Variants in GRIK3 observed in about 807,000 individuals in gnomAD.
GRIK3 encodes the protein glutamate receptor ionotropic, kainate 3.
A neutral mutation model predicts 102.5 loss-of-function variants in GRIK3; 29 were observed. That is an observed-to-expected ratio of 0.28 (90% CI 0.21 to 0.39). GRIK3 has a LOEUF of 0.39. Among genes scored for constraint, GRIK3 ranks in the 10% least tolerant of loss-of-function variants. The probability of loss-of-function intolerance (pLI) is 1.00; values close to 1 mark genes in which losing one functional copy is unlikely to be tolerated. For synonymous variants in GRIK3, 511 were observed against 504.9 expected (o/e 1.01, Z -0.16); for missense variants, 908 against 1,252.4 (o/e 0.73, Z 4.15).
intron 1 of GRIK3, among the ~76,000 whole-genome samples, chr1:36,921,948 C>T (rs181370533): frequency 1.3e-5 from 2 of 152,110 alleles, no homozygotes; most frequent in Admixed American, 1.3e-4. Context: ...AGTGAGCTCT[C>T]AATGTTCTCC....
chr1:36,920,731 G>T (rs548544509), intron 1 of GRIK3, among the ~76,000 whole-genome samples: 3 of 152,204 alleles, frequency 2.0e-5, no homozygotes, highest in Non-Finnish European at 4.4e-5. Context: ...GGGAGCTGTG[G>T]AGGCCCCAGT....
chr1:37,006,320 G>T (rs1016032108), intron 1 of GRIK3, among the ~76,000 whole-genome samples: 3 of 152,176 alleles, frequency 2.0e-5, no homozygotes, highest in Non-Finnish European at 2.9e-5. Flanking sequence ...CCTCGATAAC[G>T]CAACGAGGGA....
Position 36,795,569 on chromosome 1 carries a change from T to C in GRIK3, c.*6282A>G, listed in dbSNP as rs996941044. 6.6e-6 allele frequency: 1 copy of C among 152,178 alleles called. No individual in the cohort carries two copies. The highest frequency in any genetic ancestry group is 1.9e-4 in the East Asian group (1 of 5,192). The allele number at this position is 152,178 out of a possible 1,614,324, so 9.4% of individuals were successfully genotyped here. On this transcript the variant is annotated 3_prime_UTR_variant, in exon 16 of 16. Coordinates refer to ENST00000373091, the MANE Select transcript of GRIK3 (RefSeq NM_000831.4). ...ATTTTATTTAAAATTTAAAACCATA[T>C]TACTTCATACAGCAAACTGTGCACT... is the stretch of plus-strand genomic sequence containing the variant.
At chr1:36,971,982 C>T (rs1018374435) in intron 1 of GRIK3, among the ~76,000 whole-genome samples, 1 of 152,130 alleles carries the variant, frequency 6.6e-6, no homozygotes, top group Non-Finnish European at 1.5e-5. Flanking sequence ...GGCCTGGCAC[C>T]ATCTGTTGTT....
At chr1:36,929,793 T>C (rs2124312448) in intron 1 of GRIK3, among the ~76,000 whole-genome samples, 1 of 152,366 alleles carries the variant, frequency 6.6e-6, no homozygotes, top group South Asian at 2.1e-4. Context: ...TCACAAAGTT[T>C]CTTCATACAA....
intron 1 of GRIK3, among the ~76,000 whole-genome samples, chr1:36,996,531 A>G (rs1642421601): frequency 6.6e-6 from 1 of 152,202 alleles, no homozygotes; most frequent in Non-Finnish European, 1.5e-5. Context: ...ACCAGAGGAC[A>G]GGGCTACTCA....
At chr1:37,020,595 G>A (rs898011375) in intron 1 of GRIK3, among the ~76,000 whole-genome samples, 4 of 151,758 alleles carry the variant, frequency 2.6e-5, no homozygotes, top group South Asian at 2.1e-4. Flanking sequence ...CAGACAAGCC[G>A]TACAAGGCAC....
intron 1 of GRIK3, among the ~76,000 whole-genome samples, chr1:36,949,314 T>G (rs1188628763): frequency 6.6e-6 from 1 of 152,042 alleles, no homozygotes; most frequent in Non-Finnish European, 1.5e-5. Context: ...TGGCCTCCAG[T>G]CCCCCTACTG....
intron 1 of GRIK3, among the ~76,000 whole-genome samples, chr1:36,946,396 C>A (rs1158358095): frequency 1.3e-5 from 2 of 152,208 alleles, no homozygotes; most frequent in African/African-American, 4.8e-5. Flanking sequence ...CACAGGGACA[C>A]GGAGCATTCA....
chr1:37,032,941 G>C lies in GRIK3; in HGVS notation c.115+1053C>G, dbSNP rs370917460. Among the ~76,000 whole-genome samples, 8 of 152,346 alleles carry C rather than the reference G, an allele frequency of 5.3e-5. No homozygotes were observed. The South Asian group carries it at 1.2e-3, about 24-fold the overall frequency. On this transcript the variant is annotated intron_variant, in intron 1 of 15. Coordinates refer to ENST00000373091, the MANE Select transcript of GRIK3 (RefSeq NM_000831.4). ...TGAAGAAGAGCTGTAGAGGAGGAAGGTGGCCCTGGCTCGGCGGAGTCCGGC... is the reference window on the plus strand; with the variant it reads ...TGAAGAAGAGCTGTAGAGGAGGAAGCTGGCCCTGGCTCGGCGGAGTCCGGC...
Position 36,880,743 on chromosome 1 carries a change from G to C in GRIK3, c.441C>G (p.Thr147=). 6.2e-7 allele frequency: 1 copy of C among 1,614,184 alleles called. No homozygotes were observed. Among genetic ancestry groups the C allele is most frequent in the Non-Finnish European group, 8.5e-7 (1 of 1,180,010 alleles). ...WKHHPLDNKD[T]FYVNLYPDYA... ...AGTCGGGGTAGAGGTTCACGTAGAA[G>C]GTGTCCTTGTTGTCCAGCGGGTGGT... Residue 147 remains threonine (T), a synonymous_variant, in exon 3 of 16, where the codon ACC becomes ACG. Transcript: ENST00000373091. The surrounding 1 kb of genome is among the most constrained non-coding windows in gnomAD (Gnocchi z 5.4).
intron 8 of GRIK3, among the ~76,000 whole-genome samples, chr1:36,851,535 G>T (rs569755463): frequency 6.6e-6 from 1 of 152,260 alleles, no homozygotes; most frequent in South Asian, 2.1e-4. Context: ...GGTGCAGGAG[G>T]TGCTTGGCAA....
chr1:36,997,423 C>T (rs1642432097), intron 1 of GRIK3, among the ~76,000 whole-genome samples: 1 of 152,224 alleles, frequency 6.6e-6, no homozygotes, highest in Non-Finnish European at 1.5e-5. Context: ...AGCAAACACT[C>T]GCAGTTGTTA....
At chr1:36,805,277 TG>T in intron 14 of GRIK3, 40 bp from the exon 15 acceptor site, 1 of 1,565,276 alleles carries the variant, frequency 6.4e-7, no homozygotes, top group Non-Finnish European at 8.6e-7. Context: ...CAGTGGCGTG[TG>T]GCCCATTCTG....
At chr1:36,812,086 G>A (rs1048789864) in intron 13 of GRIK3, among the ~76,000 whole-genome samples, 1 of 152,102 alleles carries the variant, frequency 6.6e-6, no homozygotes, top group Admixed American at 6.5e-5. Flanking sequence ...GTATGTGAGA[G>A]AGGCCAGCAG....
At chr1:36,824,616 A>G (rs964647534) in intron 11 of GRIK3, among the ~76,000 whole-genome samples, 6 of 152,122 alleles carry the variant, frequency 3.9e-5, no homozygotes, top group African/African-American at 1.4e-4. Context: ...TTGGATCTCA[A>G]ATTGCCTCTC....
intron 1 of GRIK3, among the ~76,000 whole-genome samples, chr1:36,924,787 C>T (rs369998390): frequency 1.1e-4 from 16 of 152,228 alleles, no homozygotes; most frequent in African/African-American, 3.1e-4. Context: ...ATTTAGCAAA[C>T]GCCTGGCTCT....
intron 1 of GRIK3, among the ~76,000 whole-genome samples, chr1:36,990,615 C>T (rs763593677): frequency 4.6e-5 from 7 of 152,184 alleles, no homozygotes; most frequent in Non-Finnish European, 8.8e-5. Flanking sequence ...TGGGACTCAA[C>T]TTGAGAAGGA....
chr1:36,805,965 A>C (rs1294213988), intron 14 of GRIK3, 139 bp downstream of exon 14: 21 of 529,538 alleles, frequency 4.0e-5, no homozygotes, highest in South Asian at 3.4e-4. Context: ...AAAAAAAGAA[A>C]AGAACAGAAA....
Sources: allele counts gnomAD v4.1 joint callset (sites outside exome capture counted in the v4.1 genomes callset), GRCh38; gene constraint gnomAD v4.1.1; non-coding constraint Gnocchi (gnomAD v3.1); transcripts MANE v1.5; gene names NCBI Gene and HGNC (gene_info 2026-07-23, HGNC 2026-07-21).